Variants in TMEFF1 observed in about 807,000 individuals in gnomAD.
The protein encoded by TMEFF1 is transmembrane protein with EGF like and two follistatin like domains 1.
A neutral mutation model predicts 47.5 loss-of-function variants in TMEFF1; 20 were observed. The observed-to-expected ratio is 0.42, with a 90% CI of 0.30 to 0.61. The LOEUF is 0.61. Among genes scored for constraint, TMEFF1 ranks in the 20% least tolerant of loss-of-function variants. TMEFF1 has a pLI of 0.19. For missense variants in TMEFF1, 411 were observed against 471.1 expected, an observed-to-expected ratio of 0.87 and a Z score of 1.18; for synonymous variants, 162 against 166.3, an observed-to-expected ratio of 0.97 and a Z score of 0.20.
intron 2 of TMEFF1, among the ~76,000 whole-genome samples, chr9:100,502,620 C>A (rs1022487101): frequency 6.6e-6 from 1 of 152,198 alleles, no homozygotes; most frequent in African/African-American, 2.4e-5. Flanking sequence ...CCTTGGCGTC[C>A]CAAAGTGCTG....
Position 100,473,615 on chromosome 9 carries a change from C to A in TMEFF1, c.71C>A (p.Thr24Lys). The A allele has an allele frequency of 6.4e-7, 1 of 1,559,962 alleles. No homozygotes were observed. The highest frequency in any genetic ancestry group is 8.7e-7 in the Non-Finnish European group (1 of 1,153,582). Reference protein sequence around the residue: ...AAPPLAFCCYTSVLLLFAFSL... With the variant: ...AAPPLAFCCYKSVLLLFAFSL... ...CCTCCGCTCGCCTTCTGCTGCTACA[C>A]GTCGGTGCTTCTGCTCTTCGCCTTC... Residue 24 changes from threonine (T) to lysine (K), a missense_variant, in exon 1 of 10, where the codon ACG becomes AAG. By Grantham distance (78) the Thr-to-Lys change is moderately conservative. Coordinates refer to ENST00000374879, the MANE Select transcript of TMEFF1 (RefSeq NM_003692.5). The surrounding 1 kb of genome is among the most constrained non-coding windows in gnomAD (Gnocchi z 5.4).
chr9:100,523,811 T>C (rs141517798), intron 5 of TMEFF1, among the ~76,000 whole-genome samples: 311 of 152,330 alleles, frequency 2.0e-3, no homozygotes, highest in Non-Finnish European at 3.8e-3. Context: ...CAAAGGACTT[T>C]TTACAAAATC....
intron 4 of TMEFF1, 79 bp from the exon 5 acceptor site, chr9:100,516,593 GATA>G: frequency 6.6e-7 from 1 of 1,523,810 alleles, no homozygotes; most frequent in Non-Finnish European, 8.8e-7. Context: ...TCAGAAACAG[GATA>G]ATGACTGCTG....
At chr9:100,494,880 A>G (rs10989114) in intron 1 of TMEFF1, among the ~76,000 whole-genome samples, 6,622 of 152,310 alleles carry the variant, frequency 0.043, 318 homozygotes, top group South Asian at 0.21. Context: ...TATTTGTATT[A>G]GTATTCCTTA....
chr9:100,574,695 C>T (rs1242725502), intron 9 of TMEFF1, among the ~76,000 whole-genome samples: 2 of 152,048 alleles, frequency 1.3e-5, no homozygotes, highest in Non-Finnish European at 2.9e-5. Flanking sequence ...CAAAGGATGT[C>T]AGAGTCAATG....
At chr9:100,533,606 T>C (rs952586571) in intron 5 of TMEFF1, among the ~76,000 whole-genome samples, 21 of 152,166 alleles carry the variant, frequency 1.4e-4, no homozygotes, top group African/African-American at 4.6e-4. Flanking sequence ...GTTGTAACTT[T>C]TAAATTTCTG....
At chr9:100,519,188 G>A (rs2118397367) in intron 5 of TMEFF1, among the ~76,000 whole-genome samples, 1 of 152,106 alleles carries the variant, frequency 6.6e-6, no homozygotes, top group South Asian at 2.1e-4. Context: ...GGCGGGCAGA[G>A]CATGAGGTCA....
At position 100,473,699 on chromosome 9, in the gene TMEFF1, G is replaced by A; in HGVS notation, c.155G>A (p.Gly52Glu). 6.5e-7 allele frequency: 1 copy of A among 1,533,294 alleles called. No homozygotes were observed. Among genetic ancestry groups the A allele is most frequent in the African/African-American group, 1.4e-5 (1 of 71,698 alleles). 95.0% of individuals were successfully genotyped at this position (1,533,294 alleles called of 1,614,324 possible). A position where few individuals can be genotyped will look rare whatever the true frequency, so the allele number is the denominator to read the frequency against. The change falls in exon 1 of 10, where the codon GGG becomes GAG. Residue 52 changes from glycine (G) to glutamate (E), a missense_variant. Physicochemically the swap from Gly to Glu is moderately conservative, Grantham distance 98. Transcript: ENST00000374879. This position sits in a 1 kb window ranked among gnomAD's most constrained non-coding sequence, Gnocchi z 5.4. ...CCGGGTGGTGGCGGCGGCAGCGGCGGGGACTGTCCCGGCGGCAAAGGCAAG... is the reference window on the plus strand; with the variant it reads ...CCGGGTGGTGGCGGCGGCAGCGGCGAGGACTGTCCCGGCGGCAAAGGCAAG... ...QPPGGGGGSG[G>E]DCPGGKGKSI...
In TMEFF1 at chr9:100,576,666, G is replaced by A; in HGVS notation, c.*66G>A. 6.5e-7 allele frequency: 1 copy of A among 1,535,988 alleles called. No individual in the cohort carries two copies. The highest frequency in any genetic ancestry group is 8.8e-7 in the Non-Finnish European group (1 of 1,141,986). On this transcript the variant is annotated 3_prime_UTR_variant, in exon 10 of 10. Coordinates refer to ENST00000374879, the MANE Select transcript of TMEFF1 (RefSeq NM_003692.5). ...TTTATTATGTCTTTTTTTAAAGAATGGAAATATTTATTTCAGAGGCCTTAT... is the reference window on the plus strand; with the variant it reads ...TTTATTATGTCTTTTTTTAAAGAATAGAAATATTTATTTCAGAGGCCTTAT...
intron 2 of TMEFF1, among the ~76,000 whole-genome samples, chr9:100,500,070 G>T (rs1043908622): frequency 6.6e-6 from 1 of 152,102 alleles, no homozygotes; most frequent in Non-Finnish European, 1.5e-5. Flanking sequence ...TCATTTCTTT[G>T]CCAAGAGCAC....
chr9:100,534,184 T>G (rs1838460462), intron 5 of TMEFF1, among the ~76,000 whole-genome samples: 1 of 152,154 alleles, frequency 6.6e-6, no homozygotes, highest in Non-Finnish European at 1.5e-5. Flanking sequence ...ATGAAAAATT[T>G]TATGATAAAC....
chr9:100,516,280 A>C (rs551326665), intron 4 of TMEFF1, among the ~76,000 whole-genome samples: 2 of 152,308 alleles, frequency 1.3e-5, no homozygotes, highest in Admixed American at 6.5e-5. Flanking sequence ...TCAGGCGCTT[A>C]TCTGCTGACC....
At chr9:100,549,780 A>G (rs1257292505) in intron 6 of TMEFF1, among the ~76,000 whole-genome samples, 1 of 152,184 alleles carries the variant, frequency 6.6e-6, no homozygotes, top group East Asian at 1.9e-4. Context: ...CTTTTAGAGA[A>G]AGAAAGGTTT....
Position 100,473,777 on chromosome 9 carries a change from C to T in TMEFF1, c.196+37C>T, listed in dbSNP as rs1459160387. ...CGGAGCCGGCCCTAGGTCTTCCCAC[C>T]CCTCCGTTGCCGCCTCCCTCGTGGT... On this transcript the variant is annotated intron_variant, in intron 1 of 9. Coordinates refer to ENST00000374879, the MANE Select transcript of TMEFF1 (RefSeq NM_003692.5). This position sits in a 1 kb window ranked among gnomAD's most constrained non-coding sequence, Gnocchi z 5.4. 6.3e-6 allele frequency: 9 copies of T among 1,435,674 alleles called. No homozygotes were observed. The highest frequency in any genetic ancestry group is 8.3e-6 in the Non-Finnish European group (9 of 1,084,842). 88.9% of individuals were successfully genotyped at this position (1,435,674 alleles called of 1,614,324 possible).
chr9:100,551,781 T>G (rs1010553839), intron 7 of TMEFF1, among the ~76,000 whole-genome samples: 2 of 152,216 alleles, frequency 1.3e-5, no homozygotes, highest in Non-Finnish European at 2.9e-5. Context: ...AAAGTTCTTG[T>G]GATGTAGTAA....
chr9:100,559,421 A>G (rs1057474885), intron 7 of TMEFF1, among the ~76,000 whole-genome samples: 2 of 152,194 alleles, frequency 1.3e-5, no homozygotes, highest in African/African-American at 4.8e-5. Context: ...ACTTTCCATT[A>G]TGATAGCTAC....
chr9:100,481,041 A>T (rs1032425210), intron 1 of TMEFF1, among the ~76,000 whole-genome samples: 2 of 152,120 alleles, frequency 1.3e-5, no homozygotes, highest in African/African-American at 4.8e-5. Flanking sequence ...TTTGCTGTTG[A>T]TGTTCCTTTG....
intron 5 of TMEFF1, among the ~76,000 whole-genome samples, chr9:100,519,057 G>T (rs13302460): frequency 0.025 from 3,834 of 152,194 alleles, 62 homozygotes; most frequent in Middle Eastern, 0.034. Flanking sequence ...AATTCAAGTA[G>T]TTCTGTTATG....
At chr9:100,496,395 A>G (rs1389603844) in intron 1 of TMEFF1, among the ~76,000 whole-genome samples, 1 of 152,172 alleles carries the variant, frequency 6.6e-6, no homozygotes, top group African/African-American at 2.4e-5. Context: ...ATGTACCACC[A>G]TGCCCAGCTA....
Sources: allele counts gnomAD v4.1 joint callset (sites outside exome capture counted in the v4.1 genomes callset), GRCh38; gene constraint gnomAD v4.1.1; non-coding constraint Gnocchi (gnomAD v3.1); transcripts MANE v1.5; gene names NCBI Gene and HGNC (gene_info 2026-07-23, HGNC 2026-07-21).